The following ROBO1 variants were observed in gnomAD, a reference collection of about 807,000 sequenced individuals.
ROBO1 encodes roundabout guidance receptor 1.
A neutral mutation model predicts 195.9 loss-of-function variants in ROBO1; 149 were observed. The observed-to-expected ratio is 0.76, with a 90% CI of 0.67 to 0.87. ROBO1 has a LOEUF of 0.87. Ranked by LOEUF, ROBO1 falls within the 40% of genes least tolerant of loss-of-function variation. The pLI is 0.00. For synonymous variants in ROBO1, 816 were observed against 733.2 expected (o/e 1.11, Z -1.82); for missense variants, 1,933 against 2,068.3 (o/e 0.93, Z 1.27).
Position 79,648,282 on chromosome 3 carries a change from TTCTG to T in ROBO1, c.-50-58325_-50-58322del, listed in dbSNP as rs559383902. On this transcript the variant is annotated intron_variant, in intron 1 of 30. Transcript: ENST00000464233. ...TAGGTATGTCTGCATTTCAGCCATC[TTCTG>T]TTATTAGATCGTGCATAATCCCTAG... 2.0e-5 allele frequency among the ~76,000 whole-genome samples: 3 copies of T among 152,236 alleles called. No homozygotes were observed. In the East Asian group the frequency reaches 5.8e-4, roughly 30 times the overall value.
At chr3:79,318,075 CA>C (rs779045086) in intron 2 of ROBO1, among the ~76,000 whole-genome samples, 1 of 152,144 alleles carries the variant, frequency 6.6e-6, no homozygotes, top group Non-Finnish European at 1.5e-5. Flanking sequence ...GTTCAAAGGC[CA>C]ACGGGCAGTC....
chr3:79,169,237 T>G (rs1341628227), intron 2 of ROBO1, among the ~76,000 whole-genome samples: 1 of 152,196 alleles, frequency 6.6e-6, no homozygotes. Context: ...CATATTCATT[T>G]TATTATGTTA....
chr3:79,481,856 TGGACA>T (rs746188344), intron 2 of ROBO1, among the ~76,000 whole-genome samples: 160 of 152,308 alleles, frequency 1.1e-3, no homozygotes, highest in Middle Eastern at 6.8e-3. Flanking sequence ...TATGAAAATA[TGGACA>T]CTTTGCTAAA....
chr3:79,577,554 A>G (rs1020297774), intron 2 of ROBO1, among the ~76,000 whole-genome samples: 1 of 152,134 alleles, frequency 6.6e-6, no homozygotes, highest in Non-Finnish European at 1.5e-5. Flanking sequence ...CTAAAAAGGT[A>G]TTTGGATAAA....
At chr3:78,772,709 A>G (rs1013840312) in intron 4 of ROBO1, among the ~76,000 whole-genome samples, 1 of 152,108 alleles carries the variant, frequency 6.6e-6, no homozygotes, top group African/African-American at 2.4e-5. Context: ...TTATGAGTCT[A>G]CTTCTCAGGC....
intron 2 of ROBO1, among the ~76,000 whole-genome samples, chr3:79,362,834 G>A (rs187058294): frequency 2.8e-4 from 42 of 152,096 alleles, no homozygotes; most frequent in Non-Finnish European, 5.4e-4. Context: ...CCTATTCCAG[G>A]GACTCTGCCA....
chr3:78,957,351 GTC>G (rs560311081), intron 3 of ROBO1, among the ~76,000 whole-genome samples: 13 of 148,752 alleles, frequency 8.7e-5, no homozygotes, highest in Non-Finnish European at 1.3e-4. Context: ...AGTGGTACCT[GTC>G]TCTCTCTCTC....
intron 3 of ROBO1, among the ~76,000 whole-genome samples, chr3:79,122,315 A>G (rs2108564104): frequency 6.6e-6 from 1 of 152,200 alleles, no homozygotes; most frequent in Admixed American, 6.5e-5. Context: ...TTAATAACAT[A>G]CCACAGTGCT....
At chr3:78,711,755 C>T (rs894375339) in intron 8 of ROBO1, among the ~76,000 whole-genome samples, 3 of 151,194 alleles carry the variant, frequency 2.0e-5, no homozygotes, top group African/African-American at 7.3e-5. Context: ...TCCCATAGTG[C>T]TGGGATTACA....
chr3:78,767,498 T>C (rs1313610190), intron 4 of ROBO1, among the ~76,000 whole-genome samples: 3 of 150,984 alleles, frequency 2.0e-5, no homozygotes, highest in Non-Finnish European at 2.9e-5. Flanking sequence ...ACTCCTGGCC[T>C]CAAGCGACTC....
intron 3 of ROBO1, among the ~76,000 whole-genome samples, chr3:78,999,098 A>C (rs1201502603): frequency 1.3e-5 from 2 of 152,074 alleles, no homozygotes; most frequent in African/African-American, 4.8e-5. Context: ...AAAAGGGAAC[A>C]CTTATTATAC....
chr3:79,013,616 G>A (rs578242947), intron 3 of ROBO1, among the ~76,000 whole-genome samples: 2 of 152,040 alleles, frequency 1.3e-5, no homozygotes, highest in East Asian at 1.9e-4. Flanking sequence ...TCTCTCTTTC[G>A]ACTAGGAAAA....
At chr3:79,495,864 T>C (rs944808208) in intron 2 of ROBO1, among the ~76,000 whole-genome samples, 7 of 152,090 alleles carry the variant, frequency 4.6e-5, no homozygotes, top group African/African-American at 1.7e-4. Flanking sequence ...TCCTCACTTA[T>C]GAATGGAGAT....
At chr3:79,044,153 A>C (rs974549656) in intron 3 of ROBO1, among the ~76,000 whole-genome samples, 1 of 152,098 alleles carries the variant, frequency 6.6e-6, no homozygotes. Flanking sequence ...CGCAAAAAAA[A>C]ATCTCATCAT....
At chr3:78,843,503 A>G (rs1287638863) in intron 4 of ROBO1, among the ~76,000 whole-genome samples, 7 of 152,060 alleles carry the variant, frequency 4.6e-5, no homozygotes, top group Non-Finnish European at 8.8e-5. Context: ...TCACTTGGTT[A>G]TACTTGCAGA....
intron 2 of ROBO1, among the ~76,000 whole-genome samples, chr3:79,496,212 CAAAAA>C (rs751339145): frequency 5.3e-5 from 3 of 56,258 alleles, no homozygotes; most frequent in South Asian, 7.8e-4. Flanking sequence ...GACTCTGTCT[CAAAAA>C]AAAAAAAAAA....
At chr3:78,666,314 G>C (rs1233542986) in intron 14 of ROBO1, among the ~76,000 whole-genome samples, 1 of 152,136 alleles carries the variant, frequency 6.6e-6, no homozygotes, top group Non-Finnish European at 1.5e-5. Flanking sequence ...ATATGCAAAG[G>C]CAAATTGACA....
chr3:79,059,958 C>T (rs1053119424), intron 3 of ROBO1, among the ~76,000 whole-genome samples: 1 of 151,776 alleles, frequency 6.6e-6, no homozygotes, highest in Admixed American at 6.6e-5. Flanking sequence ...AGAACAGAGT[C>T]ATATTTCTCT....
At chr3:79,538,529 G>T (rs1001733737) in intron 2 of ROBO1, among the ~76,000 whole-genome samples, 1 of 152,066 alleles carries the variant, frequency 6.6e-6, no homozygotes, top group Non-Finnish European at 1.5e-5. Context: ...TTAGTCACTT[G>T]CCTCTCAGCT....
Sources: gnomAD v4.1 joint callset for allele counts (sites outside exome capture counted in the v4.1 genomes callset) on GRCh38, gnomAD v4.1.1 for gene constraint, MANE v1.5 for transcripts, NCBI Gene and HGNC (gene_info 2026-07-23, HGNC 2026-07-21) for gene names.